Variants in IGFBP5 observed in about 807,000 individuals in gnomAD.
IGFBP5 encodes insulin-like growth factor-binding protein 5.
Under a neutral mutation model 28.0 loss-of-function variants are expected in IGFBP5, and 12 were observed. The observed-to-expected ratio is 0.43, with a 90% CI of 0.27 to 0.69. The LOEUF (loss-of-function observed/expected upper bound fraction) is 0.69. IGFBP5 is among the 30% of genes least tolerant of loss of function. IGFBP5 has a pLI of 0.20. For synonymous variants in IGFBP5, 152 were observed against 150.2 expected (o/e 1.01, Z -0.09); for missense variants, 344 against 381.6 (o/e 0.90, Z 0.82).
rs1168719375 is a variant in IGFBP5, at chr2:216,673,417, C to T, written c.*3334G>A. 6.6e-6 allele frequency: 1 copy of T among 152,412 alleles called. No homozygotes were observed. Among genetic ancestry groups the T allele is most frequent in the Non-Finnish European group, 1.5e-5 (1 of 68,164 alleles). 9.4% of individuals were successfully genotyped at this position (152,412 alleles called of 1,614,324 possible). On this transcript the variant is annotated 3_prime_UTR_variant, in exon 4 of 4. Transcript: ENST00000233813. This position sits in a 1 kb window ranked among gnomAD's most constrained non-coding sequence, Gnocchi z 4.3. ...AGAAAGGTTCCAGTCTCTTCCTCCC[C>T]ATGTGCCCTGCTTTGCCAGGTGGGT...
In IGFBP5 at chr2:216,676,667, T is replaced by C; in HGVS notation, c.*84A>G. 2.6e-6 allele frequency: 2 copies of C among 772,560 alleles called. No homozygotes were observed. The highest frequency in any genetic ancestry group is 4.1e-6 in the Non-Finnish European group (2 of 489,702). 47.9% of individuals were successfully genotyped at this position (772,560 alleles called of 1,614,324 possible). Reference sequence around the variant, plus strand: ...TTTCCCTTAAATGAGATGAAATGAGTGGCGTCCTGGGGTGGAGGGAGGCGC... The same window carrying C: ...TTTCCCTTAAATGAGATGAAATGAGCGGCGTCCTGGGGTGGAGGGAGGCGC... On this transcript the variant is annotated 3_prime_UTR_variant, in exon 4 of 4. Transcript: ENST00000233813.
Position 216,694,443 on chromosome 2 carries a change from C to A in IGFBP5, c.333G>T (p.Lys111Asn). Residue 111 changes from lysine (K) to asparagine (N), a missense_variant, in exon 1 of 4, where the codon AAG (lysine) becomes AAT (asparagine). This residue lies in a region of IGFBP5 where 304 missense variants were observed against 329.2 expected (regional missense o/e 0.92). Coordinates refer to ENST00000233813, the MANE Select transcript of IGFBP5 (RefSeq NM_000599.4). This position sits in a 1 kb window ranked among gnomAD's most constrained non-coding sequence, Gnocchi z 5.2. ...LNEKSYREQV[K>N]IERDSREHEE... ...TGGCACACTGAGCGCGCTCACCGAT[C>A]TTGACTTGCTCGCGGTAGCTCTTTT... 1 of 1,554,012 alleles carries A rather than the reference C, an allele frequency of 6.4e-7. No individual in the cohort carries two copies. The highest frequency in any genetic ancestry group is 8.7e-7 in the Non-Finnish European group (1 of 1,154,326).
rs558862299 is a variant in IGFBP5, at chr2:216,694,237, C to G, written c.337+202G>C. On this transcript the variant is annotated intron_variant, in intron 1 of 3. Transcript: ENST00000233813. The surrounding 1 kb of genome is among the most constrained non-coding windows in gnomAD (Gnocchi z 5.2). ...TAGGAGGAAGGAGAAAGAGCGAAAG[C>G]TGGGATAGACTCGGCTAGACAGTTC... Among the ~76,000 whole-genome samples the G allele has an allele frequency of 1.7e-4, 26 of 152,060 alleles. No individual in the cohort carries two copies. The highest frequency in any genetic ancestry group is 5.8e-4 in the African/African-American group (24 of 41,420).
chr2:216,694,842 C>CCTCTTGGCCCCTTT lies in IGFBP5; in HGVS notation c.-68_-67insAAAGGGGCCAAGAG. The CCTCTTGGCCCCTTT allele has an allele frequency of 1.9e-6, 2 of 1,079,496 alleles. No individual in the cohort carries two copies. The highest frequency in any genetic ancestry group is 2.4e-6 in the Non-Finnish European group (2 of 832,734). 66.9% of individuals were successfully genotyped at this position (1,079,496 alleles called of 1,614,324 possible). A position where few individuals can be genotyped will look rare whatever the true frequency, so the allele number is the denominator to read the frequency against. The stretch of plus-strand genomic sequence containing the variant: ...AGCGAGAGTGCAGGGATAAAGGGGC[C>CCTCTTGGCCCCTTT]AAGAGGGCCCCCGGAGATTTTTTTG... On this transcript the variant is annotated 5_prime_UTR_variant, in exon 1 of 4. Coordinates refer to ENST00000233813, the MANE Select transcript of IGFBP5 (RefSeq NM_000599.4). This position sits in a 1 kb window ranked among gnomAD's most constrained non-coding sequence, Gnocchi z 5.2.
chr2:216,694,824 G>A lies in IGFBP5; in HGVS notation c.-49C>T. On this transcript the variant is annotated 5_prime_UTR_variant, in exon 1 of 4. Transcript: ENST00000233813. This position sits in a 1 kb window ranked among gnomAD's most constrained non-coding sequence, Gnocchi z 5.2. ...CTCGGGGTGGGGCAGGAGAGCGAGA[G>A]TGCAGGGATAAAGGGGCCAAGAGGG... is the stretch of plus-strand genomic sequence containing the variant. 1 of 1,288,448 alleles carries A rather than the reference G, an allele frequency of 7.8e-7. No individual in the cohort carries two copies. Among genetic ancestry groups the A allele is most frequent in the African/African-American group, 1.6e-5 (1 of 63,994 alleles). 79.8% of individuals were successfully genotyped at this position (1,288,448 alleles called of 1,614,324 possible). A position where few individuals can be genotyped will look rare whatever the true frequency, so the allele number is the denominator to read the frequency against.
In IGFBP5 at chr2:216,694,426, T is replaced by G; in HGVS notation, c.337+13A>C. 1 of 1,512,090 alleles carries G rather than the reference T, an allele frequency of 6.6e-7. No homozygotes were observed. The highest frequency in any genetic ancestry group is 1.3e-5 in the South Asian group (1 of 78,348). 93.7% of individuals were successfully genotyped at this position (1,512,090 alleles called of 1,614,324 possible). A position where few individuals can be genotyped will look rare whatever the true frequency, so the allele number is the denominator to read the frequency against. ...TGCGCCGCGTAACTGACTGGCACAC[T>G]GAGCGCGCTCACCGATCTTGACTTG... On this transcript the variant is annotated intron_variant, in intron 1 of 3. Coordinates refer to ENST00000233813, the MANE Select transcript of IGFBP5 (RefSeq NM_000599.4). The surrounding 1 kb of genome is among the most constrained non-coding windows in gnomAD (Gnocchi z 5.2).
chr2:216,685,612 G>A (rs1689025507), intron 1 of IGFBP5, among the ~76,000 whole-genome samples: 1 of 152,232 alleles, frequency 6.6e-6, no homozygotes, highest in Admixed American at 6.5e-5. Context: ...GCTGGTGGAA[G>A]CATGAGGGAT....
intron 1 of IGFBP5, among the ~76,000 whole-genome samples, chr2:216,687,218 G>T (rs1689042517): frequency 6.6e-6 from 1 of 152,130 alleles, no homozygotes; most frequent in African/African-American, 2.4e-5. Flanking sequence ...TGAGGACTTG[G>T]CACAGGTGCT....
At position 216,676,868 on chromosome 2, in the gene IGFBP5, A is replaced by G; in HGVS notation, c.702T>C (p.Arg234=). 6.2e-7 allele frequency: 1 copy of G among 1,614,054 alleles called. No homozygotes were observed. The highest frequency in any genetic ancestry group is 1.1e-5 in the South Asian group (1 of 91,078). ...ACCAGCAGATGCCACGTTTGCGGCC[A>G]CGGGAAGGTTTGCACTGGGGTGAGT... ...FYKRKQCKPS[R]GRKRGICWCV... The change falls in exon 4 of 4, where the codon CGT becomes CGC. Residue 234 remains arginine (R), a synonymous_variant. Coordinates refer to ENST00000233813, the MANE Select transcript of IGFBP5 (RefSeq NM_000599.4).
intron 3 of IGFBP5, among the ~76,000 whole-genome samples, chr2:216,677,808 C>A (rs527837159): frequency 6.6e-6 from 1 of 152,148 alleles, no homozygotes; most frequent in African/African-American, 2.4e-5. Context: ...CCTGAGTGTG[C>A]GGTGCACCAA....
chr2:216,676,531 G>T lies in IGFBP5; in HGVS notation c.*220C>A, dbSNP rs779562387. ...GCCTCAAAAAGAAAACCATTTAAAGGGGGGGGGTGTCTTTTTAGCTTTTTG... is the reference window on the plus strand; with the variant it reads ...GCCTCAAAAAGAAAACCATTTAAAGTGGGGGGGTGTCTTTTTAGCTTTTTG... On this transcript the variant is annotated 3_prime_UTR_variant, in exon 4 of 4. Transcript: ENST00000233813. The T allele has an allele frequency of 1.8e-5, 6 of 338,134 alleles. No individual in the cohort carries two copies. The highest frequency in any genetic ancestry group is 4.1e-5 in the South Asian group (1 of 24,168). The allele number at this position is 338,134 out of a possible 1,614,324, so 20.9% of individuals were successfully genotyped here. A position where few individuals can be genotyped will look rare whatever the true frequency, so the allele number is the denominator to read the frequency against.
chr2:216,676,685 G>A lies in IGFBP5; in HGVS notation c.*66C>T, dbSNP rs1473232547. 2.9e-6 allele frequency: 3 copies of A among 1,043,774 alleles called. No individual in the cohort carries two copies. Among genetic ancestry groups the A allele is most frequent in the East Asian group, 2.6e-5 (1 of 38,928 alleles). 64.7% of individuals were successfully genotyped at this position (1,043,774 alleles called of 1,614,324 possible). ...AAATGAGTGGCGTCCTGGGGTGGAG[G>A]GAGGCGCTGGCTGGAGTCGGGGCTG... On this transcript the variant is annotated 3_prime_UTR_variant, in exon 4 of 4. Transcript: ENST00000233813.
At chr2:216,680,217 C>G (rs1416068466) in intron 1 of IGFBP5, among the ~76,000 whole-genome samples, 1 of 152,026 alleles carries the variant, frequency 6.6e-6, no homozygotes, top group Non-Finnish European at 1.5e-5. Context: ...TTCATTGCCT[C>G]CCTCTTTTTT....
chr2:216,694,666 A>T lies in IGFBP5; in HGVS notation c.110T>A (p.Met37Lys). Residue 37 changes from methionine to lysine, a missense_variant, in exon 1 of 4, where the codon ATG (methionine) becomes AAG (lysine). Physicochemically the swap from Met to Lys is moderately conservative, Grantham distance 95. Coordinates refer to ENST00000233813, the MANE Select transcript of IGFBP5 (RefSeq NM_000599.4). The surrounding 1 kb of genome is among the most constrained non-coding windows in gnomAD (Gnocchi z 5.2). ...CEPCDEKALS[M>K]CPPSPLGCEL... ...GCAGCCCAGGGGGCTGGGGGGGCACATGGAGAGGGCTTTCTCGTCGCAGGG... is the reference window on the plus strand; with the variant it reads ...GCAGCCCAGGGGGCTGGGGGGGCACTTGGAGAGGGCTTTCTCGTCGCAGGG... 6.5e-7 allele frequency: 1 copy of T among 1,528,312 alleles called. No individual in the cohort carries two copies. The highest frequency in any genetic ancestry group is 2.4e-5 in the East Asian group (1 of 40,976). The allele number at this position is 1,528,312 out of a possible 1,614,324, so 94.7% of individuals were successfully genotyped here.
intron 1 of IGFBP5, among the ~76,000 whole-genome samples, chr2:216,681,351 C>T (rs1195933757): frequency 3.3e-5 from 5 of 152,120 alleles, no homozygotes; most frequent in East Asian, 3.9e-4. Flanking sequence ...TTGGAGAAGC[C>T]TGGACCCCTT....
intron 1 of IGFBP5, among the ~76,000 whole-genome samples, chr2:216,693,836 C>T (rs2106227621): frequency 6.6e-6 from 1 of 152,070 alleles, no homozygotes; most frequent in South Asian, 2.1e-4. Context: ...GGCTTCAGGG[C>T]TCCCACCCGA....
chr2:216,672,794 GACTAA>G lies in IGFBP5; in HGVS notation c.*3952_*3956del, dbSNP rs1295191133. The G allele has an allele frequency of 6.6e-6, 1 of 152,602 alleles. No homozygotes were observed. Among genetic ancestry groups the G allele is most frequent in the African/African-American group, 2.4e-5 (1 of 41,434 alleles). The allele number at this position is 152,602 out of a possible 1,614,324, so 9.5% of individuals were successfully genotyped here. ...GAGAGGAGGCCAGAGTCTGTGAAAT[GACTAA>G]ACTATATACTCCATTAGAAAACCAA... is the stretch of plus-strand genomic sequence containing the variant. On this transcript the variant is annotated 3_prime_UTR_variant, in exon 4 of 4. Coordinates refer to ENST00000233813, the MANE Select transcript of IGFBP5 (RefSeq NM_000599.4).
Position 216,678,277 on chromosome 2 carries a change from C to G in IGFBP5, c.568-46G>C, listed in dbSNP as rs35366469. ...GAGGCGTGGCGAGACCAAGGGAAAA[C>G]CACCCAGCTGCGCTGACGAATGGCC... is the stretch of plus-strand genomic sequence containing the variant. On this transcript the variant is annotated intron_variant, in intron 2 of 3. Coordinates refer to ENST00000233813, the MANE Select transcript of IGFBP5 (RefSeq NM_000599.4). 89 of 1,470,194 alleles carry G rather than the reference C, an allele frequency of 6.1e-5. No individual in the cohort carries two copies. The Middle Eastern group carries it at 1.1e-3, about 19-fold the overall frequency. The allele number at this position is 1,470,194 out of a possible 1,614,324, so 91.1% of individuals were successfully genotyped here. A position where few individuals can be genotyped will look rare whatever the true frequency, so the allele number is the denominator to read the frequency against.
chr2:216,685,847 C>A (rs7426116), intron 1 of IGFBP5, among the ~76,000 whole-genome samples: 2 of 151,932 alleles, frequency 1.3e-5, no homozygotes, highest in African/African-American at 2.4e-5. Flanking sequence ...AGCTGCCTGG[C>A]GCCAGTCTCT....
Sources: gnomAD v4.1 joint callset for allele counts (sites outside exome capture counted in the v4.1 genomes callset) on GRCh38, gnomAD v4.1.1 for gene constraint, gnomAD v4.1.1 regional missense constraint, Gnocchi (gnomAD v3.1) non-coding constraint, MANE v1.5 for transcripts, NCBI Gene and HGNC (gene_info 2026-07-23, HGNC 2026-07-21) for gene names.